The following IQCH variants were observed in gnomAD, a reference collection of about 807,000 sequenced individuals.
The protein encoded by IQCH is IQ domain-containing protein H.
IQCH carries 98 observed loss-of-function variants against 117.0 expected under a neutral mutation model. That is an observed-to-expected ratio of 0.84 (90% confidence interval 0.71 to 0.99). IQCH has a LOEUF of 0.99. Among genes scored for constraint, IQCH ranks in the 50% least tolerant of loss-of-function variants. IQCH has a pLI of 0.00. For synonymous variants in IQCH, 412 were observed against 448.2 expected, an observed-to-expected ratio of 0.92 and a Z score of 1.02; for missense variants, 1,102 against 1,243.8, an observed-to-expected ratio of 0.89 and a Z score of 1.72.
rs930148376 is a variant in IQCH, at chr15:67,433,513, A to T, written c.2505+11936A>T. The stretch of plus-strand genomic sequence containing the variant: ...ATTTTGGTTGATCTGCATATAACGG[A>T]CCTAATTCCTCTGTTTACATCAGCT... On this transcript the variant is annotated intron_variant, in intron 16 of 20. Coordinates refer to ENST00000335894, the MANE Select transcript of IQCH (RefSeq NM_001031715.3). The surrounding 1 kb of genome is among the most constrained non-coding windows in gnomAD (Gnocchi z 5.4). Among the ~76,000 whole-genome samples, 8 of 152,110 alleles carry T rather than the reference A, an allele frequency of 5.3e-5. No homozygotes were observed. The highest frequency in any genetic ancestry group is 2.6e-4 in the Admixed American group (4 of 15,264).
chr15:67,303,664 C>T (rs528017516), intron 4 of IQCH, among the ~76,000 whole-genome samples: 1 of 152,180 alleles, frequency 6.6e-6, no homozygotes, highest in African/African-American at 2.4e-5. Flanking sequence ...GAGCTGGCAC[C>T]TAGGTGTCCT....
chr15:67,349,014 A>AT (rs1447687342), intron 6 of IQCH, among the ~76,000 whole-genome samples: 2 of 152,234 alleles, frequency 1.3e-5, no homozygotes, highest in Non-Finnish European at 2.9e-5. Flanking sequence ...AGAAGGCATA[A>AT]TTTTTTCAAC....
intron 5 of IQCH, among the ~76,000 whole-genome samples, chr15:67,339,623 T>A (rs910484382): frequency 6.6e-6 from 1 of 152,210 alleles, no homozygotes; most frequent in African/African-American, 2.4e-5. Context: ...CACTGGAGAC[T>A]TCAGGACTCT....
intron 14 of IQCH, among the ~76,000 whole-genome samples, chr15:67,415,555 G>A (rs1273484607): frequency 6.6e-6 from 1 of 152,180 alleles, no homozygotes; most frequent in Non-Finnish European, 1.5e-5. Flanking sequence ...GTCTTCTACT[G>A]TGGGTTGTCA....
chr15:67,392,007 C>G (rs1971301528), intron 12 of IQCH, among the ~76,000 whole-genome samples: 2 of 152,220 alleles, frequency 1.3e-5, no homozygotes, highest in African/African-American at 4.8e-5. Flanking sequence ...ATCTTTACTA[C>G]TCACTCGATA....
At chr15:67,421,945 A>G (rs2081756357) in intron 16 of IQCH, among the ~76,000 whole-genome samples, 1 of 152,146 alleles carries the variant, frequency 6.6e-6, no homozygotes, top group Non-Finnish European at 1.5e-5. Context: ...CTAAAAATAC[A>G]AAAATTAGCT....
chr15:67,281,771 A>G (rs780990526), intron 4 of IQCH: 1 of 454,686 alleles, frequency 2.2e-6, no homozygotes, highest in Admixed American at 2.4e-5. Context: ...GTCAAAGTAC[A>G]TATTTTGGGG....
rs886994775 is a variant in IQCH, at chr15:67,494,411, G to A, written c.2970+45G>A. On this transcript the variant is annotated intron_variant, in intron 20 of 20. Transcript: ENST00000335894. The surrounding 1 kb of genome is among the most constrained non-coding windows in gnomAD (Gnocchi z 5.5). ...ACGATTCTGGTTAATTTCTATACAA[G>A]GGCTGAAAATACCTCATGCTGTATT... The A allele has an allele frequency of 1.5e-6, 2 of 1,337,166 alleles. No individual in the cohort carries two copies. The highest frequency in any genetic ancestry group is 2.1e-6 in the Non-Finnish European group (2 of 941,174). The allele number at this position is 1,337,166 out of a possible 1,614,324, so 82.8% of individuals were successfully genotyped here.
At chr15:67,288,377 A>G (rs534343498) in intron 4 of IQCH, among the ~76,000 whole-genome samples, 21 of 152,202 alleles carry the variant, frequency 1.4e-4, no homozygotes, top group East Asian at 9.6e-4. Flanking sequence ...ATTTGGGTCT[A>G]TCTTTCTCTT....
rs1158742391 is a variant in IQCH at position 67,384,820 on chromosome 15, G to A, written c.1373-116G>A. Reference sequence around the variant, plus strand: ...CGGGATTGGGTTGTTTCTGTAAGATGCTTCAGAGAAAATTTTTTCCTGGAA... The same window carrying A: ...CGGGATTGGGTTGTTTCTGTAAGATACTTCAGAGAAAATTTTTTCCTGGAA... On this transcript the variant is annotated intron_variant, in intron 10 of 20. Transcript: ENST00000335894. This position sits in a 1 kb window ranked among gnomAD's most constrained non-coding sequence, Gnocchi z 4.3. 4 of 686,128 alleles carry A rather than the reference G, an allele frequency of 5.8e-6. No individual in the cohort carries two copies. The highest frequency in any genetic ancestry group is 5.3e-5 in the East Asian group (2 of 37,502). 42.5% of individuals were successfully genotyped at this position (686,128 alleles called of 1,614,324 possible). A position where few individuals can be genotyped will look rare whatever the true frequency, so the allele number is the denominator to read the frequency against.
chr15:67,268,053 C>T (rs1193963682), intron 3 of IQCH, among the ~76,000 whole-genome samples: 1 of 152,186 alleles, frequency 6.6e-6, no homozygotes, highest in Non-Finnish European at 1.5e-5. Flanking sequence ...TCCTAGATCA[C>T]ATGCATAATC....
At chr15:67,307,045 A>G (rs1163976208) in intron 4 of IQCH, 1 of 1,305,136 alleles carries the variant, frequency 7.7e-7, no homozygotes, top group African/African-American at 1.5e-5. Flanking sequence ...TGAATGCATA[A>G]CAAAATAGCC....
intron 8 of IQCH, chr15:67,371,320 G>A (rs1225926237): frequency 1.9e-5 from 8 of 419,512 alleles, no homozygotes; most frequent in African/African-American, 4.2e-5. Context: ...CTCAGCATCC[G>A]AGTCTTAGAA....
rs1021670661 is a variant in IQCH at position 67,473,348 on chromosome 15, C to T, written c.2677-2348C>T. Reference sequence around the variant, plus strand: ...TTCCAGACAGACTAGCTAGCTGGGCCAGAACTTCTCCAAGCCAGTTCTTTT... The same window carrying T: ...TTCCAGACAGACTAGCTAGCTGGGCTAGAACTTCTCCAAGCCAGTTCTTTT... On this transcript the variant is annotated intron_variant, in intron 17 of 20. Coordinates refer to ENST00000335894, the MANE Select transcript of IQCH (RefSeq NM_001031715.3). This position sits in a 1 kb window ranked among gnomAD's most constrained non-coding sequence, Gnocchi z 4.9. Among the ~76,000 whole-genome samples the T allele has an allele frequency of 6.6e-6, 1 of 152,196 alleles. No individual in the cohort carries two copies. The highest frequency in any genetic ancestry group is 2.4e-5 in the African/African-American group (1 of 41,448).
chr15:67,353,197 G>A (rs754965399), intron 6 of IQCH, among the ~76,000 whole-genome samples: 28 of 150,984 alleles, frequency 1.9e-4, no homozygotes, highest in Admixed American at 3.3e-4. Flanking sequence ...AATAAGTGAC[G>A]TAAGCCTAAT....
At chr15:67,315,444 T>C (rs1967801955) in intron 4 of IQCH, among the ~76,000 whole-genome samples, 1 of 152,172 alleles carries the variant, frequency 6.6e-6, no homozygotes, top group African/African-American at 2.4e-5. Context: ...CAACTTTTTA[T>C]AATAAATATT....
At chr15:67,303,934 G>T (rs1386231697) in intron 4 of IQCH, among the ~76,000 whole-genome samples, 9 of 152,090 alleles carry the variant, frequency 5.9e-5, no homozygotes, top group Admixed American at 5.9e-4. Context: ...GAGGAAAGTG[G>T]CCACATTAAC....
intron 1 of IQCH, 54 bp downstream of exon 1, chr15:67,255,001 C>G: frequency 6.5e-7 from 1 of 1,544,294 alleles, no homozygotes; most frequent in South Asian, 1.1e-5. Context: ...CACTTCCGAG[C>G]GAGGTCCCGC....
At chr15:67,261,149 T>G (rs1019422303) in intron 1 of IQCH, 123 bp from the exon 2 acceptor site, 3 of 539,466 alleles carry the variant, frequency 5.6e-6, no homozygotes, top group Non-Finnish European at 9.3e-6. Context: ...TTTCAATGAA[T>G]ACCATAAAAT....
Sources: gnomAD v4.1 joint callset for allele counts (sites outside exome capture counted in the v4.1 genomes callset) on GRCh38, gnomAD v4.1.1 for gene constraint, Gnocchi (gnomAD v3.1) non-coding constraint, MANE v1.5 for transcripts, NCBI Gene and HGNC (gene_info 2026-07-23, HGNC 2026-07-21) for gene names.